Variants in CUX2 observed in about 807,000 individuals in gnomAD.
CUX2 encodes the protein homeobox protein cut-like 2.
A neutral mutation model predicts 144.8 loss-of-function variants in CUX2; 40 were observed. The ratio of observed to expected loss-of-function variants is 0.28; its 90% CI spans 0.21 to 0.36. CUX2 has a LOEUF of 0.36. Among genes scored for constraint, CUX2 ranks in the 10% least tolerant of loss-of-function variants. CUX2 has a pLI of 1.00. For synonymous variants in CUX2, 827 were observed against 875.6 expected, an observed-to-expected ratio of 0.94 and a Z score of 0.98; for missense variants, 1,615 against 1,994.0, an observed-to-expected ratio of 0.81 and a Z score of 3.62.
intron 1 of CUX2, among the ~76,000 whole-genome samples, chr12:111,065,625 C>T (rs946352269): frequency 3.9e-5 from 6 of 152,212 alleles, no homozygotes; most frequent in African/African-American, 4.8e-5. Context: ...CATGAGCCAC[C>T]GCACCCAGCC....
Position 111,214,189 on chromosome 12 carries a change from T to A in CUX2, c.64-11T>A, listed in dbSNP as rs202135959. 4,726 of 1,398,238 alleles carry A rather than the reference T, an allele frequency of 3.4e-3. 1 individual carries two copies. The highest frequency in any genetic ancestry group is 3.8e-3 in the Non-Finnish European group (3,989 of 1,036,432). The allele number at this position is 1,398,238 out of a possible 1,614,324, so 86.6% of individuals were successfully genotyped here. A position where few individuals can be genotyped will look rare whatever the true frequency, so the allele number is the denominator to read the frequency against. On this transcript the variant is annotated splice_polypyrimidine_tract_variant and intron_variant, in intron 1 of 21. Coordinates refer to ENST00000261726, the MANE Select transcript of CUX2 (RefSeq NM_015267.4). ...TCTCTCTCTCTTTTTTTTTTTTTTT[T>A]ATTGTTCCAGAAGGAGCTTAATTCC... is the stretch of plus-strand genomic sequence containing the variant.
At chr12:111,251,310 C>G (rs969928360) in intron 3 of CUX2, among the ~76,000 whole-genome samples, 1 of 152,014 alleles carries the variant, frequency 6.6e-6, no homozygotes, top group African/African-American at 2.4e-5. Context: ...TTGTTTTTCC[C>G]CCAGAAGAGA....
intron 1 of CUX2, among the ~76,000 whole-genome samples, chr12:111,041,634 TGAAAATCA>T (rs1869747474): frequency 6.6e-6 from 1 of 152,200 alleles, no homozygotes; most frequent in Non-Finnish European, 1.5e-5. Flanking sequence ...CAGTGTCCCC[TGAAAATCA>T]GGAGCTCTGG....
Position 111,077,062 on chromosome 12 carries a change from G to A in CUX2, c.63+42822G>A, listed in dbSNP as rs1375619423. Among the ~76,000 whole-genome samples, 3 of 152,138 alleles carry A rather than the reference G, an allele frequency of 2.0e-5. No individual in the cohort carries two copies. The highest frequency in any genetic ancestry group is 7.2e-5 in the African/African-American group (3 of 41,426). ...AACAGAGCTATTCCTTGCACGAGGA[G>A]GTAAAATATTTGAACTGATTGTATT... is the stretch of plus-strand genomic sequence containing the variant. On this transcript the variant is annotated intron_variant, in intron 1 of 21. Coordinates refer to ENST00000261726, the MANE Select transcript of CUX2 (RefSeq NM_015267.4). The surrounding 1 kb of genome is among the most constrained non-coding windows in gnomAD (Gnocchi z 4.1).
rs1879506556 is a variant in CUX2, at chr12:111,186,023, G to A, written c.64-28177G>A. 1.3e-5 allele frequency among the ~76,000 whole-genome samples: 2 copies of A among 150,848 alleles called. No individual in the cohort carries two copies. Among genetic ancestry groups the A allele is most frequent in the South Asian group, 4.2e-4 (2 of 4,780 alleles). On this transcript the variant is annotated intron_variant, in intron 1 of 21. Coordinates refer to ENST00000261726, the MANE Select transcript of CUX2 (RefSeq NM_015267.4). This position sits in a 1 kb window ranked among gnomAD's most constrained non-coding sequence, Gnocchi z 4.4. ...ACTCTGTCTTCAGACTCTGTTTTCT[G>A]GTCCTCTCTCTTTCACTCTCACTCT...
intron 16 of CUX2, among the ~76,000 whole-genome samples, chr12:111,316,707 C>T (rs1204354078): frequency 6.6e-6 from 1 of 152,076 alleles, no homozygotes; most frequent in Non-Finnish European, 1.5e-5. Context: ...GCCTCAGTCT[C>T]CCAAAGTGCT....
In CUX2 at chr12:111,075,537, G is replaced by T. The variant is rs529031270; in HGVS notation, c.63+41297G>T. Among the ~76,000 whole-genome samples, 3 of 152,196 alleles carry T rather than the reference G, an allele frequency of 2.0e-5. No individual in the cohort carries two copies. In the South Asian group the frequency reaches 6.2e-4, roughly 32 times the overall value. On this transcript the variant is annotated intron_variant, in intron 1 of 21. Transcript: ENST00000261726. ...GGGTAGAGGGGATGATCAGGGTTTG[G>T]GGGCAGCGTTCGGATGCGGAGAGGG... is the stretch of plus-strand genomic sequence containing the variant.
rs34368745 is a variant in CUX2, at chr12:111,295,751, CTAATTAAT to C, written c.637+364_637+371del. Among the ~76,000 whole-genome samples, 6 of 147,226 alleles carry C rather than the reference CTAATTAAT, an allele frequency of 4.1e-5. No homozygotes were observed. Among genetic ancestry groups the C allele is most frequent in the South Asian group, 2.2e-4 (1 of 4,498 alleles). ...TGGGCAACATGGCAAGACCCTGTCT[CTAATTAAT>C]TAATTAATTAATTAATTAATTTAAT... On this transcript the variant is annotated intron_variant, in intron 7 of 21. Transcript: ENST00000261726. The surrounding 1 kb of genome is among the most constrained non-coding windows in gnomAD (Gnocchi z 5.0).
At chr12:111,145,158 G>A (rs1876587028) in intron 1 of CUX2, among the ~76,000 whole-genome samples, 2 of 152,194 alleles carry the variant, frequency 1.3e-5, no homozygotes, top group African/African-American at 4.8e-5. Context: ...AGAAGGGCCT[G>A]CACAGGATCT....
rs371642246 is a variant in CUX2, at chr12:111,140,026, G to A, written c.64-74174G>A. Among the ~76,000 whole-genome samples, 9 of 152,286 alleles carry A rather than the reference G, an allele frequency of 5.9e-5. No homozygotes were observed. In the South Asian group the frequency reaches 6.2e-4, roughly 11 times the overall value. On this transcript the variant is annotated intron_variant, in intron 1 of 21. Transcript: ENST00000261726. The stretch of plus-strand genomic sequence containing the variant: ...GGTTAGGAGGATCAGTGAGGCAGTC[G>A]TGGGACCTGCCCTACAGTGTAAATG...
chr12:111,139,924 G>A (rs76814006), intron 1 of CUX2, among the ~76,000 whole-genome samples: 5,809 of 152,190 alleles, frequency 0.038, 365 homozygotes, highest in African/African-American at 0.13. Context: ...TGAACTAGCC[G>A]TGTGACCTTG....
intron 1 of CUX2, among the ~76,000 whole-genome samples, chr12:111,045,397 G>A (rs1451028230): frequency 1.3e-5 from 2 of 152,146 alleles, no homozygotes; most frequent in African/African-American, 4.8e-5. Flanking sequence ...GAGGTGTTGG[G>A]AGTGTAGCAC....
chr12:111,296,358 C>A, intron 7 of CUX2, 115 bp from the exon 8 acceptor site: 1 of 815,946 alleles, frequency 1.2e-6, no homozygotes, highest in Non-Finnish European at 2.0e-6. Context: ...CCTCACTACC[C>A]GAGCTCTCAT....
Position 111,343,550 on chromosome 12 carries a change from A to G in CUX2, c.3659+1497A>G, listed in dbSNP as rs111840004. On this transcript the variant is annotated intron_variant, in intron 21 of 21. Coordinates refer to ENST00000261726, the MANE Select transcript of CUX2 (RefSeq NM_015267.4). ...TTGATCCCCAAGGAATCAAGGAAAG[A>G]GGAGATTGGTGGGAGGAGCAACTCA... Among the ~76,000 whole-genome samples the G allele has an allele frequency of 2.2e-3, 333 of 152,262 alleles. 1 individual carries two copies. The highest frequency in any genetic ancestry group is 7.5e-3 in the African/African-American group (313 of 41,544).
chr12:111,143,810 GT>G (rs965179236), intron 1 of CUX2, among the ~76,000 whole-genome samples: 37 of 152,260 alleles, frequency 2.4e-4, no homozygotes, highest in African/African-American at 8.7e-4. Context: ...GTGTGGGGGG[GT>G]TTTTTTCTTG....
At chr12:111,127,467 G>T (rs1035522996) in intron 1 of CUX2, among the ~76,000 whole-genome samples, 63 of 152,188 alleles carry the variant, frequency 4.1e-4, no homozygotes, top group African/African-American at 1.5e-3. Context: ...CTCTGATAGG[G>T]TCGTCACATC....
intron 1 of CUX2, among the ~76,000 whole-genome samples, chr12:111,124,476 C>A (rs1287617696): frequency 6.6e-6 from 1 of 152,088 alleles, no homozygotes; most frequent in Non-Finnish European, 1.5e-5. Flanking sequence ...GAGGCAGGAC[C>A]CTTTCTGGAT....
intron 1 of CUX2, among the ~76,000 whole-genome samples, chr12:111,142,042 C>G (rs1033537990): frequency 3.7e-4 from 57 of 152,270 alleles, no homozygotes; most frequent in African/African-American, 1.3e-3. Context: ...CAAGATCACG[C>G]CACTGCACTC....
intron 3 of CUX2, among the ~76,000 whole-genome samples, chr12:111,234,593 G>T (rs997366734): frequency 6.6e-6 from 1 of 152,170 alleles, no homozygotes; most frequent in Non-Finnish European, 1.5e-5. Context: ...TAGGAAGATT[G>T]GGCAGGATGG....
Sources: gnomAD v4.1 joint callset for allele counts (sites outside exome capture counted in the v4.1 genomes callset) on GRCh38, gnomAD v4.1.1 for gene constraint, Gnocchi (gnomAD v3.1) non-coding constraint, MANE v1.5 for transcripts, NCBI Gene and HGNC (gene_info 2026-07-23, HGNC 2026-07-21) for gene names.